Variants in LAYN observed in about 807,000 individuals in gnomAD.
LAYN encodes the protein layilin.
In LAYN, 38 loss-of-function variants were observed where a neutral mutation model predicts 43.6. The observed-to-expected ratio is 0.87, with a 90% confidence interval of 0.67 to 1.14. LAYN has a LOEUF of 1.14. Ranked by LOEUF, LAYN falls within the 50% of genes most tolerant of loss-of-function variation. The probability of loss-of-function intolerance (pLI) is 0.00; values close to 1 mark genes in which losing one functional copy is unlikely to be tolerated. For synonymous variants in LAYN, 168 were observed against 172.9 expected, an observed-to-expected ratio of 0.97 and a Z score of 0.22; for missense variants, 479 against 463.8, an observed-to-expected ratio of 1.03 and a Z score of -0.30.
intron 4 of LAYN, among the ~76,000 whole-genome samples, chr11:111,554,797 A>T (rs1310436404): frequency 6.6e-6 from 1 of 152,228 alleles, no homozygotes; most frequent in Non-Finnish European, 1.5e-5. Flanking sequence ...ACAGCTGAAA[A>T]GCAACAGTTA....
chr11:111,544,583 T>A (rs1173085719), intron 2 of LAYN, among the ~76,000 whole-genome samples: 2 of 152,240 alleles, frequency 1.3e-5, no homozygotes, highest in South Asian at 4.2e-4. Context: ...CCACAGGGAA[T>A]TGTAATAATG....
At position 111,560,312 on chromosome 11, in the gene LAYN, G is replaced by A. The variant is rs751255415; in HGVS notation, c.979G>A (p.Ala327Thr). 2 of 1,614,224 alleles carry A rather than the reference G, an allele frequency of 1.2e-6. No individual in the cohort carries two copies. Among genetic ancestry groups the A allele is most frequent in the East Asian group, 2.2e-5 (1 of 44,884 alleles). Residue 327 changes from alanine (A) to threonine (T), a missense_variant, in exon 7 of 7, where the codon GCT (alanine) becomes ACT (threonine). Coordinates refer to ENST00000375614, the MANE Select transcript of LAYN (RefSeq NM_178834.5). Reference sequence around the variant, plus strand: ...CATGTCTTGTGACTATGACAACATGGCTGTGAACCCATCAGAAAGTGGGTT... The same window carrying A: ...CATGTCTTGTGACTATGACAACATGACTGTGAACCCATCAGAAAGTGGGTT... ...DDMSCDYDNM[A>T]VNPSESGFVT...
chr11:111,541,368 G>A (rs1053549830), intron 1 of LAYN: 1 of 631,528 alleles, frequency 1.6e-6, no homozygotes, highest in East Asian at 2.7e-5. Flanking sequence ...AGCGGGGTAG[G>A]GATGCTGGAT....
intron 6 of LAYN, 34 bp from the exon 7 acceptor site, chr11:111,560,061 T>C: frequency 6.4e-7 from 1 of 1,569,448 alleles, no homozygotes; most frequent in Non-Finnish European, 8.6e-7. Flanking sequence ...TCACCTGGTC[T>C]AAAACACTCA....
rs771033084 is a variant in LAYN at position 111,560,171 on chromosome 11, G to A, written c.838G>A (p.Asp280Asn). Residue 280 changes from aspartate (D) to asparagine (N), a missense_variant, in exon 7 of 7, where the codon GAC (aspartate) becomes AAC (asparagine). Coordinates refer to ENST00000375614, the MANE Select transcript of LAYN (RefSeq NM_178834.5). ...WPSPHQGNSP[D>N]LEVYNVIRKQ... ...CTCTCCTCACCAGGGAAACAGCCCG[G>A]ACCTAGAGGTCTACAATGTCATAAG... 1.5e-5 allele frequency: 25 copies of A among 1,614,090 alleles called. No homozygotes were observed. Among genetic ancestry groups the A allele is most frequent in the Non-Finnish European group, 2.0e-5 (24 of 1,180,054 alleles).
intron 5 of LAYN, among the ~76,000 whole-genome samples, chr11:111,556,349 G>A (rs1368377952): frequency 6.6e-6 from 1 of 152,168 alleles, no homozygotes; most frequent in African/African-American, 2.4e-5. Context: ...GTGTCCAGAG[G>A]TTTTATTGGG....
rs768373595 is a variant in LAYN, at chr11:111,557,569, A to C, written c.687A>C (p.Leu229=). The C allele has an allele frequency of 2.5e-6, 4 of 1,614,130 alleles. No individual in the cohort carries two copies. The South Asian group carries it at 4.4e-5, about 18-fold the overall frequency. ...CTGCCTTGAATCTGGCCTACATCCT[A>C]ATCCCCAGCATTCCCCTTCTCCTCC... ...REAALNLAYI[L]IPSIPLLLLL... Residue 229 remains leucine (L), a synonymous_variant, in exon 6 of 7, where the codon CTA becomes CTC. Coordinates refer to ENST00000375614, the MANE Select transcript of LAYN (RefSeq NM_178834.5).
chr11:111,561,436 G>T lies in LAYN; in HGVS notation c.*978G>T, dbSNP rs568038. ...TCTAGGCTTATGTACTCCCATCCCTGATACTACACGTTGTTCTGTTTGCAT... is the reference window on the plus strand; with the variant it reads ...TCTAGGCTTATGTACTCCCATCCCTTATACTACACGTTGTTCTGTTTGCAT... On this transcript the variant is annotated 3_prime_UTR_variant, in exon 7 of 7. Coordinates refer to ENST00000375614, the MANE Select transcript of LAYN (RefSeq NM_178834.5). 93,402 of 152,162 alleles carry T rather than the reference G, an allele frequency of 0.61. 31,182 individuals carry two copies. The highest frequency in any genetic ancestry group is 0.96 in the East Asian group (4,975 of 5,180). The allele number at this position is 152,162 out of a possible 1,614,324, so 9.4% of individuals were successfully genotyped here. A position where few individuals can be genotyped will look rare whatever the true frequency, so the allele number is the denominator to read the frequency against.
intron 6 of LAYN, among the ~76,000 whole-genome samples, chr11:111,559,222 C>A (rs1210438032): frequency 2.0e-5 from 3 of 152,176 alleles, no homozygotes; most frequent in Admixed American, 1.3e-4. Flanking sequence ...ATTAATGCTT[C>A]TTTATTTAGT....
rs1030675280 is a variant in LAYN, at chr11:111,552,745, G to A, written c.542-1816G>A. Among the ~76,000 whole-genome samples the A allele has an allele frequency of 2.6e-5, 4 of 152,158 alleles. No individual in the cohort carries two copies. The South Asian group carries it at 6.2e-4, about 24-fold the overall frequency. On this transcript the variant is annotated intron_variant, in intron 3 of 6. Transcript: ENST00000375614. ...TGTGTTGAACAGATCATGTTATTAC[G>A]TATTCCAGTGTAATATCACAAAATC...
In LAYN at chr11:111,540,910, A is replaced by G. The variant is rs1378826676; in HGVS notation, c.67A>G (p.Thr23Ala). The G allele has an allele frequency of 2.0e-6, 3 of 1,531,928 alleles. 1 individual carries two copies. The highest frequency in any genetic ancestry group is 2.4e-5 in the South Asian group (2 of 83,760). 94.9% of individuals were successfully genotyped at this position (1,531,928 alleles called of 1,614,324 possible). Residue 23 changes from threonine (T) to alanine (A), a missense_variant, in exon 1 of 7, where the codon ACG becomes GCG. Thr to Ala is a moderately conservative substitution (Grantham distance 58). Transcript: ENST00000375614. ...AVLLVGLRAATGRLLSGQPVC... is the reference protein window; with the variant it reads ...AVLLVGLRAAAGRLLSGQPVC... The stretch of plus-strand genomic sequence containing the variant: ...GCTGCTGGTGGGGCTGCGGGCCGCG[A>G]CGGGTCGCCTGCTGAGTGGTGAGTG...
At chr11:111,558,819 T>C (rs987691070) in intron 6 of LAYN, among the ~76,000 whole-genome samples, 5 of 150,824 alleles carry the variant, frequency 3.3e-5, no homozygotes, top group African/African-American at 1.2e-4. Flanking sequence ...ACAGAGTCTT[T>C]CTCTGTCGCC....
At chr11:111,547,491 A>G (rs185403448) in intron 2 of LAYN, among the ~76,000 whole-genome samples, 3 of 152,340 alleles carry the variant, frequency 2.0e-5, no homozygotes, top group East Asian at 1.9e-4. Flanking sequence ...AGTCAAGACC[A>G]TAAGTATATA....
rs186700829 is a variant in LAYN, at chr11:111,549,982, A to C, written c.541+207A>C. Among the ~76,000 whole-genome samples, 13 of 152,358 alleles carry C rather than the reference A, an allele frequency of 8.5e-5. No homozygotes were observed. In the East Asian group the frequency reaches 1.3e-3, roughly 16 times the overall value. On this transcript the variant is annotated intron_variant, in intron 3 of 6. Transcript: ENST00000375614. ...ATCCTAGCAAAGGAAAGGTTATCAG[A>C]TGTTAAGAGAAGGGATGAGAAAAAG...
At chr11:111,558,001 T>C (rs924963943) in intron 6 of LAYN, among the ~76,000 whole-genome samples, 9 of 152,196 alleles carry the variant, frequency 5.9e-5, no homozygotes, top group African/African-American at 2.2e-4. Context: ...AAGGAATGAA[T>C]AGTGAGCCAT....
intron 6 of LAYN, among the ~76,000 whole-genome samples, chr11:111,558,826 C>T (rs1160183998): frequency 4.0e-5 from 6 of 150,492 alleles, no homozygotes; most frequent in South Asian, 2.1e-4. Context: ...CTTTCTCTGT[C>T]GCCCAGGCTG....
chr11:111,560,356 G>A lies in LAYN; in HGVS notation c.1023G>A (p.Val341=). Residue 341 remains valine (V), a synonymous_variant, in exon 7 of 7, where the codon GTG becomes GTA. Coordinates refer to ENST00000375614, the MANE Select transcript of LAYN (RefSeq NM_178834.5). The part of the protein sequence containing the change: ...SESGFVTLVS[V]ESGFVTNDIY... Reference sequence around the variant, plus strand: ...GTGGGTTTGTGACTCTGGTGAGCGTGGAGAGTGGATTTGTGACCAATGACA... The same window carrying A: ...GTGGGTTTGTGACTCTGGTGAGCGTAGAGAGTGGATTTGTGACCAATGACA... The A allele has an allele frequency of 1.2e-6, 2 of 1,614,200 alleles. No homozygotes were observed. The highest frequency in any genetic ancestry group is 1.7e-6 in the Non-Finnish European group (2 of 1,180,026).
At chr11:111,545,758 G>A (rs1322008306) in intron 2 of LAYN, among the ~76,000 whole-genome samples, 1 of 152,194 alleles carries the variant, frequency 6.6e-6, no homozygotes, top group African/African-American at 2.4e-5. Context: ...GTCACTGCCA[G>A]CGATTCTAAA....
rs1250527144 is a variant in LAYN at position 111,557,595 on chromosome 11, TCCTTGTGGTCA to T, written c.716_726del (p.Leu239HisfsTer10). ...ATCCCCAGCATTCCCCTTCTCCTCC[TCCTTGTGGTCA>T]CCACAGTTGTATGTTGGGTTTGGAT... On this transcript the variant is annotated frameshift_variant, in exon 6 of 7. Transcript: ENST00000375614. LOFTEE classifies it high-confidence loss of function. The T allele has an allele frequency of 1.2e-6, 2 of 1,614,212 alleles. No homozygotes were observed.
Sources: gnomAD v4.1 joint callset for allele counts (sites outside exome capture counted in the v4.1 genomes callset) on GRCh38, gnomAD v4.1.1 for gene constraint, MANE v1.5 for transcripts, NCBI Gene and HGNC (gene_info 2026-07-23, HGNC 2026-07-21) for gene names.